The following FBXL14 variants were observed in gnomAD, a reference collection of about 807,000 sequenced individuals.
The protein encoded by FBXL14 is F-box and leucine rich repeat protein 14.
In FBXL14, 11 loss-of-function variants were observed where a neutral mutation model predicts 24.5. The observed-to-expected ratio is 0.45, with a 90% CI of 0.28 to 0.74. The LOEUF (loss-of-function observed/expected upper bound fraction) is 0.74. FBXL14 is among the 30% of genes least tolerant of loss of function. The pLI, the probability that FBXL14 is intolerant of heterozygous loss-of-function variation, is 0.12. For synonymous variants in FBXL14, 294 were observed against 240.4 expected (o/e 1.22, Z -2.06); for missense variants, 384 against 545.6 (o/e 0.70, Z 2.95).
At chr12:1,573,394 C>T (rs142067971) in intron 1 of FBXL14, among the ~76,000 whole-genome samples, 1,637 of 152,288 alleles carry the variant, frequency 0.011, 54 homozygotes, top group Admixed American at 0.069. Flanking sequence ...TTGCTGTATC[C>T]TCAGCCCCTA....
At chr12:1,573,491 G>A (rs187749016) in intron 1 of FBXL14, among the ~76,000 whole-genome samples, 2 of 152,294 alleles carry the variant, frequency 1.3e-5, no homozygotes, top group East Asian at 3.9e-4. Flanking sequence ...CGACTAGGGG[G>A]TCCTTCTAGG....
At chr12:1,573,146 G>T (rs1245949259) in intron 1 of FBXL14, among the ~76,000 whole-genome samples, 1 of 152,088 alleles carries the variant, frequency 6.6e-6, no homozygotes, top group Non-Finnish European at 1.5e-5. Context: ...ATATTTGAGG[G>T]TCTTTAGCAT....
intron 1 of FBXL14, among the ~76,000 whole-genome samples, chr12:1,577,768 A>G (rs2094458780): frequency 6.6e-6 from 1 of 152,252 alleles, no homozygotes; most frequent in Non-Finnish European, 1.5e-5. Flanking sequence ...GGCAGGTGAA[A>G]CAGGTAAGTA....
chr12:1,588,319 A>T (rs868643048), intron 1 of FBXL14, among the ~76,000 whole-genome samples: 1 of 152,246 alleles, frequency 6.6e-6, no homozygotes, highest in Admixed American at 6.5e-5. Flanking sequence ...TCAGGAAAGC[A>T]GCAGGATTTG....
chr12:1,569,222 G>A lies in FBXL14; in HGVS notation c.1195-2412C>T, dbSNP rs1272854417. Among the ~76,000 whole-genome samples the A allele has an allele frequency of 3.3e-5, 5 of 152,126 alleles. No individual in the cohort carries two copies. Among genetic ancestry groups the A allele is most frequent in the Middle Eastern group, 3.4e-3 (1 of 294 alleles). On this transcript the variant is annotated intron_variant, in intron 1 of 1. Transcript: ENST00000339235. The surrounding 1 kb of genome is among the most constrained non-coding windows in gnomAD (Gnocchi z 4.2). ...TTCCTTTCCAGGTTGAGGAAAGGTA[G>A]TGGTTGTTTGTGAAGTGGTCATTTA...
chr12:1,582,888 C>T (rs779641249), intron 1 of FBXL14, among the ~76,000 whole-genome samples: 2 of 152,174 alleles, frequency 1.3e-5, no homozygotes, highest in Non-Finnish European at 2.9e-5. Flanking sequence ...CTCTCCTGCC[C>T]TCAGCCTGTC....
chr12:1,574,126 A>G (rs1300618501), intron 1 of FBXL14, among the ~76,000 whole-genome samples: 1 of 152,114 alleles, frequency 6.6e-6, no homozygotes, highest in Non-Finnish European at 1.5e-5. Flanking sequence ...GGACCACTGT[A>G]ATGGGGTTAG....
chr12:1,591,659 T>A (rs1476081931), intron 1 of FBXL14, among the ~76,000 whole-genome samples: 1 of 152,184 alleles, frequency 6.6e-6, no homozygotes, highest in Non-Finnish European at 1.5e-5. Flanking sequence ...CATCTATTCC[T>A]CCATTTAGAA....
rs1179342978 is a variant in FBXL14 at position 1,579,978 on chromosome 12, A to G, written c.1194+12895T>C. 6.6e-6 allele frequency among the ~76,000 whole-genome samples: 1 copy of G among 152,252 alleles called. No homozygotes were observed. Among genetic ancestry groups the G allele is most frequent in the Non-Finnish European group, 1.5e-5 (1 of 68,050 alleles). On this transcript the variant is annotated intron_variant, in intron 1 of 1. Transcript: ENST00000339235. The surrounding 1 kb of genome is among the most constrained non-coding windows in gnomAD (Gnocchi z 4.3). ...AGAAGGTCCTTTGCAATGTACAGGGAAGACAAACCAGCTTCCATAGTGTAC... is the reference window on the plus strand; with the variant it reads ...AGAAGGTCCTTTGCAATGTACAGGGGAGACAAACCAGCTTCCATAGTGTAC...
chr12:1,581,991 T>C (rs1275821856), intron 1 of FBXL14, among the ~76,000 whole-genome samples: 1 of 152,126 alleles, frequency 6.6e-6, no homozygotes, highest in African/African-American at 2.4e-5. Flanking sequence ...CCAGGCATGG[T>C]GGCACGTGCC....
chr12:1,589,686 T>C (rs1042266094), intron 1 of FBXL14, among the ~76,000 whole-genome samples: 2 of 152,164 alleles, frequency 1.3e-5, no homozygotes, highest in African/African-American at 4.8e-5. Context: ...GTTAATTGCT[T>C]TCCATCCAAA....
At chr12:1,572,632 G>T (rs75040841) in intron 1 of FBXL14, among the ~76,000 whole-genome samples, 14 of 152,012 alleles carry the variant, frequency 9.2e-5, no homozygotes, top group South Asian at 6.3e-4. Context: ...CGGGGAAGCG[G>T]GGGGGCAGTG....
chr12:1,586,463 G>T (rs7316601), intron 1 of FBXL14, among the ~76,000 whole-genome samples: 67,196 of 151,978 alleles, frequency 0.44, 16,203 homozygotes, highest in Non-Finnish European at 0.55. Context: ...CACCTCAGCC[G>T]AGTGAGTAGC....
Position 1,567,398 on chromosome 12 carries a change from A to G in FBXL14, c.1195-588T>C, listed in dbSNP as rs1323641033. Among the ~76,000 whole-genome samples the G allele has an allele frequency of 6.6e-6, 1 of 152,178 alleles. No individual in the cohort carries two copies. Among genetic ancestry groups the G allele is most frequent in the Non-Finnish European group, 1.5e-5 (1 of 68,040 alleles). Reference sequence around the variant, plus strand: ...TCCCAGCTGCTCAGGAGGCTGAGGCAAGAGAACCGCTTGAACCGGGAGGCA... The same window carrying G: ...TCCCAGCTGCTCAGGAGGCTGAGGCGAGAGAACCGCTTGAACCGGGAGGCA... On this transcript the variant is annotated intron_variant, in intron 1 of 1. Transcript: ENST00000339235. This position sits in a 1 kb window ranked among gnomAD's most constrained non-coding sequence, Gnocchi z 4.8.
Position 1,593,172 on chromosome 12 carries a change from A to T in FBXL14, c.895T>A (p.Tyr299Asn), listed in dbSNP as rs1413533996. The change falls in exon 1 of 2, where the codon TAC becomes AAC. Residue 299 changes from tyrosine (Y) to asparagine (N), a missense_variant. Tyr to Asn is a moderately radical substitution (Grantham distance 143). Transcript: ENST00000339235. The surrounding 1 kb of genome is among the most constrained non-coding windows in gnomAD (Gnocchi z 7.4). ...AGGCCATCCAGCCCCTGGGCTATGT[A>T]AGCCAGACTCTGGTCTCCCACCTTG... ...CDKVGDQSLA[Y>N]IAQGLDGLKS... 4.3e-6 allele frequency: 7 copies of T among 1,613,466 alleles called. No homozygotes were observed. The highest frequency in any genetic ancestry group is 5.1e-6 in the Non-Finnish European group (6 of 1,180,020).
chr12:1,592,350 G>A (rs1051728040), intron 1 of FBXL14, among the ~76,000 whole-genome samples: 2 of 151,914 alleles, frequency 1.3e-5, no homozygotes, highest in Admixed American at 1.3e-4. Context: ...TGTAAGAGGA[G>A]GAGTGATGAG....
chr12:1,589,457 ACAGGAAGG>A (rs2094484379), intron 1 of FBXL14, among the ~76,000 whole-genome samples: 1 of 73,936 alleles, frequency 1.4e-5, no homozygotes, highest in Non-Finnish European at 2.8e-5. Context: ...AAAAAAAAAG[ACAGGAAGG>A]CAGGAAGACA....
At chr12:1,590,396 G>C (rs1401214118) in intron 1 of FBXL14, among the ~76,000 whole-genome samples, 1 of 152,148 alleles carries the variant, frequency 6.6e-6, no homozygotes, top group East Asian at 1.9e-4. Flanking sequence ...ATCCAGGAAA[G>C]TTTTATACTA....
chr12:1,580,533 G>A (rs534947738), intron 1 of FBXL14, among the ~76,000 whole-genome samples: 6 of 149,398 alleles, frequency 4.0e-5, no homozygotes, highest in Admixed American at 4.0e-4. Context: ...AAAACATAGT[G>A]GGGGGGGAGG....
Sources: gnomAD v4.1 joint callset for allele counts (sites outside exome capture counted in the v4.1 genomes callset) on GRCh38, gnomAD v4.1.1 for gene constraint, Gnocchi (gnomAD v3.1) non-coding constraint, MANE v1.5 for transcripts, NCBI Gene and HGNC (gene_info 2026-07-23, HGNC 2026-07-21) for gene names.